TOX: variants seen among roughly 807,000 people sequenced by gnomAD.
TOX encodes thymocyte selection-associated high mobility group box protein TOX.
TOX carries 11 observed loss-of-function variants against 53.7 expected under a neutral mutation model. That is an observed-to-expected ratio of 0.20 (90% confidence interval 0.13 to 0.34). The LOEUF (loss-of-function observed/expected upper bound fraction) is 0.34, where lower values mean the gene tolerates loss of function less well. TOX is among the 10% of genes least tolerant of loss of function. TOX has a pLI of 1.00. For synonymous variants in TOX, 225 were observed against 245.3 expected, an observed-to-expected ratio of 0.92 and a Z score of 0.77; for missense variants, 570 against 664.6, an observed-to-expected ratio of 0.86 and a Z score of 1.56.
chr8:59,034,071 C>T (rs1032118137), intron 1 of TOX, among the ~76,000 whole-genome samples: 9 of 152,214 alleles, frequency 5.9e-5, no homozygotes, highest in Non-Finnish European at 1.0e-4. Context: ...TCCTCCCCAA[C>T]GAGTTCCCAT....
rs929658288 is a variant in TOX at position 58,864,144 on chromosome 8, T to C, written c.412-12339A>G. Among the ~76,000 whole-genome samples, 5 of 152,032 alleles carry C rather than the reference T, an allele frequency of 3.3e-5. No individual in the cohort carries two copies. The South Asian group carries it at 8.3e-4, about 25-fold the overall frequency. ...AGTGTGAAAGAAAATTGAACAAAAA[T>C]AAAACAATCATGTGGCCTTTCATCC... On this transcript the variant is annotated intron_variant, in intron 3 of 8. Transcript: ENST00000361421.
At chr8:58,929,645 T>C (rs934082508) in intron 3 of TOX, among the ~76,000 whole-genome samples, 6 of 152,168 alleles carry the variant, frequency 3.9e-5, no homozygotes, top group Admixed American at 3.3e-4. Flanking sequence ...AATTCTCCTA[T>C]GATTTCATGA....
chr8:59,100,460 G>C (rs1025808292), intron 1 of TOX, among the ~76,000 whole-genome samples: 2 of 152,152 alleles, frequency 1.3e-5, no homozygotes, highest in African/African-American at 4.8e-5. Flanking sequence ...ATGGTGTATG[G>C]AAAAGGTAAT....
At chr8:59,037,473 C>A (rs908784369) in intron 1 of TOX, among the ~76,000 whole-genome samples, 3 of 152,006 alleles carry the variant, frequency 2.0e-5, no homozygotes, top group Admixed American at 1.3e-4. Context: ...ACAATAAAAA[C>A]AAAATAAAAC....
chr8:58,932,632 T>C (rs968214438), intron 3 of TOX, among the ~76,000 whole-genome samples: 1 of 152,174 alleles, frequency 6.6e-6, no homozygotes, highest in Non-Finnish European at 1.5e-5. Context: ...TGTAATCACA[T>C]TTTCTGCTTG....
At chr8:59,068,415 A>G (rs1344994191) in intron 1 of TOX, among the ~76,000 whole-genome samples, 3 of 149,372 alleles carry the variant, frequency 2.0e-5, no homozygotes, top group Admixed American at 1.3e-4. Flanking sequence ...AGGAAGAAGA[A>G]GAGGAAAAAA....
intron 3 of TOX, among the ~76,000 whole-genome samples, chr8:58,897,757 C>T (rs1187534221): frequency 6.7e-6 from 1 of 149,896 alleles, no homozygotes; most frequent in Non-Finnish European, 1.5e-5. Context: ...GTTGTTGAAC[C>T]GTGAATGTAA....
intron 1 of TOX, among the ~76,000 whole-genome samples, chr8:59,015,757 T>C (rs1281865434): frequency 6.6e-6 from 1 of 152,128 alleles, no homozygotes; most frequent in African/African-American, 2.4e-5. Flanking sequence ...AAATGAAAGC[T>C]AGGAAAACAA....
Position 58,805,947 on chromosome 8 carries a change from T to C in TOX, c.*1800A>G, listed in dbSNP as rs1809966808. 1 of 152,650 alleles carries C rather than the reference T, an allele frequency of 6.6e-6. No individual in the cohort carries two copies. The highest frequency in any genetic ancestry group is 2.1e-4 in the South Asian group (1 of 4,836). The allele number at this position is 152,650 out of a possible 1,614,324, so 9.5% of individuals were successfully genotyped here. A position where few individuals can be genotyped will look rare whatever the true frequency, so the allele number is the denominator to read the frequency against. On this transcript the variant is annotated 3_prime_UTR_variant, in exon 9 of 9. Transcript: ENST00000361421. ...CTGAGTGGATTACACAATGCATATA[T>C]TTGTATTTAGTTAAACTGCTAAATT... is the stretch of plus-strand genomic sequence containing the variant.
intron 3 of TOX, among the ~76,000 whole-genome samples, chr8:58,913,093 T>A (rs1585896941): frequency 6.6e-6 from 1 of 152,210 alleles, no homozygotes; most frequent in East Asian, 1.9e-4. Context: ...TGAATGAATG[T>A]TTGGTGAGAT....
At chr8:58,915,385 TCCCTGAC>T (rs1332549905) in intron 3 of TOX, among the ~76,000 whole-genome samples, 3 of 87,620 alleles carry the variant, frequency 3.4e-5, no homozygotes, top group Admixed American at 2.5e-4. Context: ...CTCAAGTGGG[TCCCTGAC>T]CCCTGACCCC....
At chr8:59,050,498 A>G (rs947066124) in intron 1 of TOX, among the ~76,000 whole-genome samples, 4 of 152,194 alleles carry the variant, frequency 2.6e-5, no homozygotes, top group African/African-American at 9.6e-5. Flanking sequence ...TGAATTAAGT[A>G]GAATCAAAAT....
At chr8:58,895,562 C>T (rs1241201248) in intron 3 of TOX, among the ~76,000 whole-genome samples, 2 of 152,158 alleles carry the variant, frequency 1.3e-5, no homozygotes, top group East Asian at 3.9e-4. Flanking sequence ...TGAAGCCTTG[C>T]AGTTAAAGCA....
At chr8:58,860,894 A>G (rs1301162232) in intron 3 of TOX, among the ~76,000 whole-genome samples, 1 of 151,998 alleles carries the variant, frequency 6.6e-6, no homozygotes, top group East Asian at 1.9e-4. Flanking sequence ...TCCATCAACT[A>G]TGTACATATA....
At chr8:58,848,034 A>G (rs1416081089) in intron 4 of TOX, among the ~76,000 whole-genome samples, 2 of 152,150 alleles carry the variant, frequency 1.3e-5, no homozygotes, top group Admixed American at 1.3e-4. Context: ...ACTTCATAAA[A>G]TAATTAAAAT....
chr8:58,943,555 G>A (rs1190733018), intron 2 of TOX, among the ~76,000 whole-genome samples: 1 of 150,744 alleles, frequency 6.6e-6, no homozygotes, highest in Non-Finnish European at 1.5e-5. Context: ...AGATCACTTG[G>A]TCCTTTCCAA....
At position 58,857,238 on chromosome 8, in the gene TOX, C is replaced by T. The variant is rs1810931579; in HGVS notation, c.412-5433G>A. 1.3e-5 allele frequency among the ~76,000 whole-genome samples: 2 copies of T among 152,084 alleles called. 1 individual carries two copies. The highest frequency in any genetic ancestry group is 1.3e-4 in the Admixed American group (2 of 15,262). ...GAACTTCATTTGCTAAATTCTAGGG[C>T]TCAAATGTCTCAAAGGTAATTTCTC... On this transcript the variant is annotated intron_variant, in intron 3 of 8. Transcript: ENST00000361421.
intron 4 of TOX, among the ~76,000 whole-genome samples, chr8:58,839,123 C>T (rs901431252): frequency 3.9e-5 from 6 of 152,188 alleles, no homozygotes; most frequent in African/African-American, 1.2e-4. Context: ...CAGCAATGCT[C>T]ATGGTTTAAA....
At chr8:59,078,044 C>T (rs1001397887) in intron 1 of TOX, among the ~76,000 whole-genome samples, 2 of 152,094 alleles carry the variant, frequency 1.3e-5, no homozygotes, top group African/African-American at 4.8e-5. Context: ...AAAATATTAT[C>T]CATACAAACA....
Sources: allele counts gnomAD v4.1 joint callset (sites outside exome capture counted in the v4.1 genomes callset), GRCh38; gene constraint gnomAD v4.1.1; transcripts MANE v1.5; gene names NCBI Gene and HGNC (gene_info 2026-07-23, HGNC 2026-07-21).